The following DNAJB13 variants were observed in gnomAD, a reference collection of about 807,000 sequenced individuals.
DNAJB13 encodes DnaJ heat shock protein family (Hsp40) member B13.
A neutral mutation model predicts 35.6 loss-of-function variants in DNAJB13; 22 were observed. The observed-to-expected ratio is 0.62, with a 90% CI of 0.44 to 0.88. DNAJB13 has a LOEUF of 0.88. DNAJB13 is among the 40% of genes least tolerant of loss of function. DNAJB13 has a pLI of 0.00. For missense variants in DNAJB13, 370 were observed against 384.3 expected (o/e 0.96, Z 0.31); for synonymous variants, 136 against 144.2 (o/e 0.94, Z 0.41).
chr11:73,960,547 C>G (rs962306452), intron 3 of DNAJB13, among the ~76,000 whole-genome samples: 2 of 152,042 alleles, frequency 1.3e-5, no homozygotes, highest in African/African-American at 4.8e-5. Context: ...GTCTTGAACT[C>G]CTGACCTCAG....
intron 3 of DNAJB13, among the ~76,000 whole-genome samples, chr11:73,960,335 C>T (rs996783839): frequency 2.0e-5 from 3 of 152,142 alleles, no homozygotes; most frequent in Non-Finnish European, 4.4e-5. Flanking sequence ...CCCACCACCA[C>T]ACCCAGCTAA....
intron 3 of DNAJB13, among the ~76,000 whole-genome samples, chr11:73,960,539 C>T (rs1261354818): frequency 9.9e-5 from 15 of 152,088 alleles, no homozygotes. Context: ...CCAGGCTGGT[C>T]TTGAACTCCT....
chr11:73,957,071 C>T (rs112060727), intron 1 of DNAJB13, among the ~76,000 whole-genome samples: 3 of 152,262 alleles, frequency 2.0e-5, no homozygotes, highest in African/African-American at 7.2e-5. Flanking sequence ...GAATGACAGG[C>T]GTCTGTGCTG....
intron 4 of DNAJB13, chr11:73,965,315 G>T (rs531257646): frequency 2.9e-5 from 8 of 274,212 alleles, no homozygotes; most frequent in African/African-American, 6.7e-5. Flanking sequence ...CCCCATCCCC[G>T]TGGGAACTGG....
intron 1 of DNAJB13, among the ~76,000 whole-genome samples, chr11:73,955,209 C>G (rs1157264633): frequency 6.6e-6 from 1 of 151,996 alleles, no homozygotes; most frequent in African/African-American, 2.4e-5. Context: ...TTCTCTCCCA[C>G]TCAGGAAAGC....
At chr11:73,969,934 A>T (rs781560031) in intron 7 of DNAJB13, 27 bp from the exon 8 acceptor site, 1 of 1,595,324 alleles carries the variant, frequency 6.3e-7, no homozygotes, top group Admixed American at 1.7e-5. Context: ...GATGCCCTCT[A>T]TGCTCCTTTC....
rs992588292 is a variant in DNAJB13 at position 73,951,098 on chromosome 11, G to A, written c.29G>A (p.Gly10Glu). MGQDYYSVLGITRNSEDAQI... is the reference protein window; with the variant it reads MGQDYYSVLEITRNSEDAQI... ...GGCCAGGATTATTACTCTGTGCTCG[G>A]GATCACTCGCAATTCAGAGGATGCC... Residue 10 changes from glycine to glutamate, a missense_variant, in exon 1 of 8, where the codon GGG (glycine) becomes GAG (glutamate). Coordinates refer to ENST00000339764, the MANE Select transcript of DNAJB13 (RefSeq NM_153614.4). 1.2e-6 allele frequency: 2 copies of A among 1,614,010 alleles called. No individual in the cohort carries two copies. The highest frequency in any genetic ancestry group is 2.7e-5 in the African/African-American group (2 of 74,946).
intron 1 of DNAJB13, among the ~76,000 whole-genome samples, chr11:73,954,956 A>T (rs1950699876): frequency 6.6e-6 from 1 of 152,162 alleles, no homozygotes. Context: ...CATTTCAAAA[A>T]TAAATAATAA....
At chr11:73,969,552 G>A (rs2135350834) in intron 7 of DNAJB13, among the ~76,000 whole-genome samples, 1 of 152,352 alleles carries the variant, frequency 6.6e-6, no homozygotes, top group African/African-American at 2.4e-5. Context: ...CCACTGCAGA[G>A]GCTAGAGGCC....
At chr11:73,962,241 C>G (rs1001854937) in intron 3 of DNAJB13, among the ~76,000 whole-genome samples, 1 of 152,152 alleles carries the variant, frequency 6.6e-6, no homozygotes, top group Non-Finnish European at 1.5e-5. Context: ...ATGCTTGTCT[C>G]CCTACCAGAC....
chr11:73,963,871 T>A (rs1951006760), intron 3 of DNAJB13: 2 of 152,120 alleles, frequency 1.3e-5, no homozygotes, highest in South Asian at 4.1e-4. Flanking sequence ...ATGAGGGGCT[T>A]CCACATCTAG....
intron 1 of DNAJB13, among the ~76,000 whole-genome samples, chr11:73,957,374 G>A (rs1007117032): frequency 6.6e-6 from 1 of 152,204 alleles, no homozygotes; most frequent in African/African-American, 2.4e-5. Context: ...GCACTCCGCT[G>A]TCCCTGGCAG....
At chr11:73,955,922 G>T (rs1333914172) in intron 1 of DNAJB13, among the ~76,000 whole-genome samples, 2 of 152,172 alleles carry the variant, frequency 1.3e-5, no homozygotes, top group African/African-American at 4.8e-5. Flanking sequence ...GGTCCCCAGG[G>T]CACAGCCAGG....
At chr11:73,960,439 C>T (rs1426705303) in intron 3 of DNAJB13, among the ~76,000 whole-genome samples, 1 of 152,252 alleles carries the variant, frequency 6.6e-6, no homozygotes, top group Non-Finnish European at 1.5e-5. Context: ...ACCTCTGCCT[C>T]CCAAAGTGCT....
chr11:73,964,374 T>C (rs1038585415), intron 3 of DNAJB13: 4 of 159,180 alleles, frequency 2.5e-5, no homozygotes, highest in Non-Finnish European at 5.5e-5. Context: ...CTGGGGTCTT[T>C]AGCAATCTTG....
Position 73,951,106 on chromosome 11 carries a change from C to G in DNAJB13, c.37C>G (p.Arg13Gly), listed in dbSNP as rs748903098. The change falls in exon 1 of 8, where the codon CGC (arginine) becomes GGC (glycine). Residue 13 changes from arginine (R) to glycine (G), a missense_variant. Arg to Gly is a moderately radical substitution (Grantham distance 125). Coordinates refer to ENST00000339764, the MANE Select transcript of DNAJB13 (RefSeq NM_153614.4). ...QDYYSVLGIT[R>G]NSEDAQIKQA... ...TTATTACTCTGTGCTCGGGATCACT[C>G]GCAATTCAGAGGATGCCCAGATCAA... The G allele has an allele frequency of 6.2e-7, 1 of 1,614,108 alleles. No homozygotes were observed. The highest frequency in any genetic ancestry group is 1.3e-5 in the African/African-American group (1 of 75,060).
chr11:73,966,144 A>G lies in DNAJB13; in HGVS notation c.499A>G (p.Asn167Asp). ...KKIKISRRVL[N>D]EDGYSSTIKD... Reference sequence around the variant, plus strand: ...ACCTGATATGTTGCTATAGGTGCTGAACGAGGATGGGTACTCCTCCACCAT... The same window carrying G: ...ACCTGATATGTTGCTATAGGTGCTGGACGAGGATGGGTACTCCTCCACCAT... Residue 167 changes from asparagine (N) to aspartate (D), a missense_variant, in exon 5 of 8, where the codon AAC (asparagine) becomes GAC (aspartate). Asn to Asp is a conservative substitution (Grantham distance 23, BLOSUM62 1). Coordinates refer to ENST00000339764, the MANE Select transcript of DNAJB13 (RefSeq NM_153614.4). The G allele has an allele frequency of 1.2e-6, 2 of 1,612,708 alleles. No homozygotes were observed. Among genetic ancestry groups the G allele is most frequent in the East Asian group, 2.2e-5 (1 of 44,884 alleles).
Position 73,953,987 on chromosome 11 carries a change from AAAAATAATAAT to A in DNAJB13, c.68+2864_68+2874del, listed in dbSNP as rs1182675106. On this transcript the variant is annotated intron_variant, in intron 1 of 7. Coordinates refer to ENST00000339764, the MANE Select transcript of DNAJB13 (RefSeq NM_153614.4). ...GGGCGACAGAGCGAGACTCTGTCTC[AAAAATAATAAT>A]AAAATAATAATAATAATAATAATAA... is the stretch of plus-strand genomic sequence containing the variant. Among the ~76,000 whole-genome samples, 36 of 130,378 alleles carry A rather than the reference AAAAATAATAAT, an allele frequency of 2.8e-4. 1 individual carries two copies. Among genetic ancestry groups the A allele is most frequent in the Admixed American group, 7.9e-4 (10 of 12,646 alleles). 85.5% of individuals were successfully genotyped at this position (130,378 alleles called of 152,430 possible).
chr11:73,964,578 C>T (rs1338936485), intron 3 of DNAJB13: 2 of 276,936 alleles, frequency 7.2e-6, no homozygotes, highest in African/African-American at 3.9e-5. Context: ...GACGGGGAAG[C>T]GTTGGGCGGG....
Sources: allele counts gnomAD v4.1 joint callset (sites outside exome capture counted in the v4.1 genomes callset), GRCh38; gene constraint gnomAD v4.1.1; transcripts MANE v1.5; gene names NCBI Gene and HGNC (gene_info 2026-07-23, HGNC 2026-07-21).